The following DAB1 variants were observed in gnomAD, a reference collection of about 807,000 sequenced individuals.
DAB1 encodes DAB adaptor protein 1.
Under a neutral mutation model 64.6 loss-of-function variants are expected in DAB1, and 15 were observed. That is an observed-to-expected ratio of 0.23 (90% CI 0.16 to 0.36). The LOEUF (loss-of-function observed/expected upper bound fraction) is 0.36. DAB1 is among the 10% of genes least tolerant of loss of function. The probability of loss-of-function intolerance (pLI) is 1.00; values close to 1 mark genes in which losing one functional copy is unlikely to be tolerated. For missense variants in DAB1, 596 were observed against 706.7 expected (o/e 0.84, Z 1.78); for synonymous variants, 235 against 251.9 (o/e 0.93, Z 0.64).
At chr1:57,701,821 C>T (rs956521062) in intron 6 of DAB1, among the ~76,000 whole-genome samples, 1 of 152,036 alleles carries the variant, frequency 6.6e-6, no homozygotes, top group Non-Finnish European at 1.5e-5. Context: ...TCAGCAAATA[C>T]ATTTCTTAGT....
chr1:58,050,955 T>C (rs1365025716), intron 5 of DAB1, among the ~76,000 whole-genome samples: 2 of 152,282 alleles, frequency 1.3e-5, no homozygotes, highest in African/African-American at 2.4e-5. Flanking sequence ...ATGCTACATG[T>C]TGTTCTAGGT....
intron 2 of DAB1, among the ~76,000 whole-genome samples, chr1:57,182,744 C>A (rs1326943956): frequency 6.6e-6 from 1 of 151,996 alleles, no homozygotes; most frequent in Non-Finnish European, 1.5e-5. Flanking sequence ...CTTATAGGAC[C>A]AGTTGAAATT....
chr1:57,134,097 T>C (rs1657864750), intron 4 of DAB1, among the ~76,000 whole-genome samples: 1 of 152,158 alleles, frequency 6.6e-6, no homozygotes, highest in African/African-American at 2.4e-5. Context: ...CATCAGATGG[T>C]TGTTGCTTGA....
chr1:58,344,539 C>T (rs548236175), intron 3 of DAB1, among the ~76,000 whole-genome samples: 3 of 152,056 alleles, frequency 2.0e-5, no homozygotes, highest in African/African-American at 7.2e-5. Context: ...GCTGTCTCAC[C>T]CTCCACCCCC....
chr1:57,053,513 C>G (rs902373692), intron 9 of DAB1, among the ~76,000 whole-genome samples: 2 of 151,428 alleles, frequency 1.3e-5, no homozygotes, highest in Non-Finnish European at 2.9e-5. Context: ...CTCCACCTCC[C>G]AAAACACTGG....
chr1:57,950,598 C>T (rs949139972), intron 5 of DAB1, among the ~76,000 whole-genome samples: 3 of 150,966 alleles, frequency 2.0e-5, no homozygotes, highest in African/African-American at 7.4e-5. Context: ...ATTCATACTG[C>T]AAAGTTCTGG....
chr1:58,165,738 T>C (rs963782192), intron 4 of DAB1, among the ~76,000 whole-genome samples: 1 of 152,172 alleles, frequency 6.6e-6, no homozygotes, highest in Non-Finnish European at 1.5e-5. Context: ...GCAGAGGTTT[T>C]GGGGATCAGT....
chr1:57,478,142 C>G (rs1178858812), intron 7 of DAB1, among the ~76,000 whole-genome samples: 1 of 151,204 alleles, frequency 6.6e-6, no homozygotes, highest in Non-Finnish European at 1.5e-5. Flanking sequence ...TAAGGTTGTA[C>G]AAAGATTTAT....
intron 5 of DAB1, among the ~76,000 whole-genome samples, chr1:57,899,909 C>G (rs1644448595): frequency 1.3e-5 from 2 of 151,784 alleles, no homozygotes; most frequent in Admixed American, 6.6e-5. Context: ...CCTCTTGTCT[C>G]CCTGCCAGAA....
intron 7 of DAB1, among the ~76,000 whole-genome samples, chr1:57,524,360 T>G (rs1320275340): frequency 3.9e-5 from 6 of 152,050 alleles, no homozygotes; most frequent in South Asian, 2.1e-4. Flanking sequence ...GAATGAGAAG[T>G]TGAACATAAA....
At chr1:57,955,088 T>C (rs1645361146) in intron 5 of DAB1, among the ~76,000 whole-genome samples, 2 of 152,348 alleles carry the variant, frequency 1.3e-5, no homozygotes, top group South Asian at 2.1e-4. Flanking sequence ...TTTTTGCCAC[T>C]GTCTTCTCTG....
intron 12 of DAB1, among the ~76,000 whole-genome samples, chr1:57,011,795 G>T (rs1570491234): frequency 6.6e-6 from 1 of 152,182 alleles, no homozygotes; most frequent in South Asian, 2.1e-4. Context: ...TGAGGTAGAG[G>T]TTATCCTAAT....
chr1:57,267,544 A>AG, intron 2 of DAB1, among the ~76,000 whole-genome samples: 1 of 152,302 alleles, frequency 6.6e-6, no homozygotes, highest in East Asian at 1.9e-4. Context: ...ATCCCTCCCA[A>AG]GGGCAGCCTC....
At chr1:57,775,213 C>A (rs914038465) in intron 6 of DAB1, among the ~76,000 whole-genome samples, 3 of 150,910 alleles carry the variant, frequency 2.0e-5, no homozygotes, top group African/African-American at 4.8e-5. Context: ...TTCCAAGAAC[C>A]AATTTTTGGT....
intron 8 of DAB1, among the ~76,000 whole-genome samples, chr1:57,065,164 T>C (rs1005297643): frequency 1.5e-4 from 23 of 152,208 alleles, no homozygotes; most frequent in East Asian, 5.8e-4. Context: ...GAGATATCAA[T>C]CTGCCTGTTT....
At chr1:57,317,636 C>T (rs1307644770) in intron 1 of DAB1, among the ~76,000 whole-genome samples, 1 of 152,092 alleles carries the variant, frequency 6.6e-6, no homozygotes, top group African/African-American at 2.4e-5. Flanking sequence ...CTACGTTACT[C>T]AAAGAGTAGC....
At chr1:57,857,178 G>GT (rs1457157270) in intron 1 of DAB1, among the ~76,000 whole-genome samples, 1 of 152,198 alleles carries the variant, frequency 6.6e-6, no homozygotes, top group Non-Finnish European at 1.5e-5. Flanking sequence ...TGATACAGTA[G>GT]TTTGAAATAA....
chr1:58,453,815 A>C (rs1050326978), intron 3 of DAB1, among the ~76,000 whole-genome samples: 1 of 151,928 alleles, frequency 6.6e-6, no homozygotes, highest in Non-Finnish European at 1.5e-5. Context: ...CTTCACAAAG[A>C]TCTCACAGAA....
chr1:57,410,756 T>C (rs1684042572), intron 1 of DAB1, among the ~76,000 whole-genome samples: 1 of 152,148 alleles, frequency 6.6e-6, no homozygotes, highest in Non-Finnish European at 1.5e-5. Context: ...ACACAGAAAA[T>C]ATCAGAGTGG....
Sources: allele counts gnomAD v4.1 joint callset (sites outside exome capture counted in the v4.1 genomes callset), GRCh38; gene constraint gnomAD v4.1.1; transcripts MANE v1.5; gene names NCBI Gene and HGNC (gene_info 2026-07-23, HGNC 2026-07-21).